Variants in AUTS2 observed in about 807,000 individuals in gnomAD.
AUTS2 encodes the protein activator of transcription and developmental regulator AUTS2, also known as autism susceptibility gene 2 protein.
AUTS2 carries 17 observed loss-of-function variants against 112.4 expected under a neutral mutation model. That is an observed-to-expected ratio of 0.15 (90% CI 0.10 to 0.23). AUTS2 has a LOEUF of 0.23. AUTS2 is among the 10% of genes least tolerant of loss of function. AUTS2 has a pLI of 1.00. For synonymous variants in AUTS2, 751 were observed against 702.7 expected, an observed-to-expected ratio of 1.07 and a Z score of -1.09; for missense variants, 1,510 against 1,701.6, an observed-to-expected ratio of 0.89 and a Z score of 1.98.
chr7:69,978,107 A>G (rs1798134104), intron 2 of AUTS2, among the ~76,000 whole-genome samples: 2 of 152,190 alleles, frequency 1.3e-5, no homozygotes, highest in Non-Finnish European at 2.9e-5. Context: ...AGTGCTCAAT[A>G]GAGGGTGATA....
intron 1 of AUTS2, among the ~76,000 whole-genome samples, chr7:69,777,402 T>A (rs1788942396): frequency 6.6e-6 from 1 of 152,188 alleles, no homozygotes; most frequent in Non-Finnish European, 1.5e-5. Flanking sequence ...TACTTTATAA[T>A]TCAGAGAAAA....
At chr7:70,708,103 A>G (rs1345859381) in intron 6 of AUTS2, among the ~76,000 whole-genome samples, 1 of 152,192 alleles carries the variant, frequency 6.6e-6, no homozygotes, top group Non-Finnish European at 1.5e-5. Context: ...TTTAAAAGCC[A>G]CTTGGAAAAC....
chr7:69,913,598 T>C (rs1214665691), intron 2 of AUTS2, among the ~76,000 whole-genome samples: 1 of 152,206 alleles, frequency 6.6e-6, no homozygotes, highest in East Asian at 1.9e-4. Flanking sequence ...TATCCTTTAC[T>C]CGAGGATACC....
intron 2 of AUTS2, among the ~76,000 whole-genome samples, chr7:69,979,679 A>G (rs1798213360): frequency 6.6e-6 from 1 of 152,196 alleles, no homozygotes; most frequent in African/African-American, 2.4e-5. Context: ...GATATGGAAG[A>G]GTATGCAGTG....
chr7:70,529,737 T>A (rs1218245030), intron 5 of AUTS2, among the ~76,000 whole-genome samples: 2 of 152,126 alleles, frequency 1.3e-5, no homozygotes. Context: ...CAGCAGAATT[T>A]GGAGAGGAAC....
chr7:70,051,798 A>G (rs1801768525), intron 2 of AUTS2, among the ~76,000 whole-genome samples: 1 of 152,186 alleles, frequency 6.6e-6, no homozygotes, highest in Non-Finnish European at 1.5e-5. Context: ...AGTGTGGTTT[A>G]TGATGTTTAT....
Position 70,315,576 on chromosome 7 carries a change from C to T in AUTS2, c.661-120176C>T, listed in dbSNP as rs184296498. On this transcript the variant is annotated intron_variant, in intron 4 of 18. Transcript: ENST00000342771. ...CTGTTCCTGGCCTCCTTCGGGAACC[C>T]AAAAGCCACATTGTCAACCACCTGC... Among the ~76,000 whole-genome samples the T allele has an allele frequency of 2.8e-4, 42 of 152,158 alleles. No homozygotes were observed. In the East Asian group the frequency reaches 7.5e-3, roughly 27 times the overall value.
chr7:70,045,600 A>T (rs1055903856), intron 2 of AUTS2, among the ~76,000 whole-genome samples: 9 of 150,386 alleles, frequency 6.0e-5, no homozygotes, highest in African/African-American at 9.7e-5. Context: ...TTATTATATT[A>T]TATTTTATTT....
intron 2 of AUTS2, among the ~76,000 whole-genome samples, chr7:69,965,644 T>C (rs933445029): frequency 6.6e-6 from 1 of 152,096 alleles, no homozygotes; most frequent in African/African-American, 2.4e-5. Context: ...ACAAAAAGAA[T>C]ACCTGGCTGC....
intron 1 of AUTS2, among the ~76,000 whole-genome samples, chr7:69,727,241 A>G (rs1786560344): frequency 6.6e-6 from 1 of 152,134 alleles, no homozygotes; most frequent in South Asian, 2.1e-4. Flanking sequence ...TTCCAGCACT[A>G]TTTGTTGAAA....
At chr7:70,230,480 C>G (rs1016111705) in intron 4 of AUTS2, among the ~76,000 whole-genome samples, 1 of 152,268 alleles carries the variant, frequency 6.6e-6, no homozygotes, top group African/African-American at 2.4e-5. Flanking sequence ...CACTTAGAAC[C>G]CCTAAATCAC....
At chr7:70,578,220 G>A (rs909206492) in intron 5 of AUTS2, among the ~76,000 whole-genome samples, 2 of 152,198 alleles carry the variant, frequency 1.3e-5, no homozygotes, top group Admixed American at 1.3e-4. Context: ...GAGCTAAAAG[G>A]GACCTTAAAG....
rs1435517992 is a variant in AUTS2, at chr7:70,087,518, C to T, written c.523-30614C>T. Among the ~76,000 whole-genome samples the T allele has an allele frequency of 5.9e-5, 9 of 151,734 alleles. No homozygotes were observed. In the East Asian group the frequency reaches 1.8e-3, roughly 30 times the overall value. ...CTGAGTAGCTGGGATTACAGGTGCC[C>T]ACCACCACGCCTGGCTAATTTTTTG... On this transcript the variant is annotated intron_variant, in intron 2 of 18. Coordinates refer to ENST00000342771, the MANE Select transcript of AUTS2 (RefSeq NM_015570.4).
chr7:70,119,968 A>G (rs2129572989), intron 3 of AUTS2: 1 of 152,324 alleles, frequency 6.6e-6, no homozygotes, highest in Middle Eastern at 3.4e-3. Flanking sequence ...AAACTTTACT[A>G]GTATTCAGTT....
intron 4 of AUTS2, among the ~76,000 whole-genome samples, chr7:70,249,321 T>A (rs1375430152): frequency 6.6e-6 from 1 of 152,160 alleles, no homozygotes; most frequent in Admixed American, 6.5e-5. Flanking sequence ...GTCCAAAATA[T>A]CATTTCAATA....
At position 70,479,357 on chromosome 7, in the gene AUTS2, G is replaced by C. The variant is rs368623480; in HGVS notation, c.690+43576G>C. Among the ~76,000 whole-genome samples the C allele has an allele frequency of 1.3e-4, 20 of 152,078 alleles. No homozygotes were observed. The East Asian group carries it at 3.1e-3, about 24-fold the overall frequency. On this transcript the variant is annotated intron_variant, in intron 5 of 18. Transcript: ENST00000342771. Reference sequence around the variant, plus strand: ...GAGCTTGATTCTGAAGTCCAGCACCGCCCCTGACCCTTCAGAGGCACGCTC... The same window carrying C: ...GAGCTTGATTCTGAAGTCCAGCACCCCCCCTGACCCTTCAGAGGCACGCTC...
At chr7:69,854,778 A>G (rs1792644946) in intron 1 of AUTS2, among the ~76,000 whole-genome samples, 1 of 152,100 alleles carries the variant, frequency 6.6e-6, no homozygotes, top group African/African-American at 2.4e-5. Context: ...GATGCTGGGG[A>G]TATTCAGTAA....
intron 2 of AUTS2, among the ~76,000 whole-genome samples, chr7:70,019,752 T>G (rs1430496449): frequency 6.6e-6 from 1 of 152,232 alleles, no homozygotes; most frequent in Non-Finnish European, 1.5e-5. Flanking sequence ...GTGCTGGGCA[T>G]ATATGAATGT....
At chr7:70,583,824 A>C (rs1802567102) in intron 5 of AUTS2, among the ~76,000 whole-genome samples, 1 of 152,220 alleles carries the variant, frequency 6.6e-6, no homozygotes, top group Non-Finnish European at 1.5e-5. Flanking sequence ...TCTTCTTTTA[A>C]AAATGGCCTC....
Sources: gnomAD v4.1 joint callset for allele counts (sites outside exome capture counted in the v4.1 genomes callset) on GRCh38, gnomAD v4.1.1 for gene constraint, MANE v1.5 for transcripts, NCBI Gene and HGNC (gene_info 2026-07-23, HGNC 2026-07-21) for gene names.